The following NFXL1 variants were observed in gnomAD, a reference collection of about 807,000 sequenced individuals.
NFXL1 encodes the protein NF-X1-type zinc finger protein NFXL1.
Under a neutral mutation model 123.3 loss-of-function variants are expected in NFXL1, and 66 were observed. The observed-to-expected ratio is 0.54, with a 90% confidence interval of 0.44 to 0.66. NFXL1 has a LOEUF of 0.66. NFXL1 is among the 30% of genes least tolerant of loss of function. The pLI, the probability that NFXL1 is intolerant of heterozygous loss-of-function variation, is 0.00. For missense variants in NFXL1, 944 were observed against 1,125.6 expected (o/e 0.84, Z 2.31); for synonymous variants, 346 against 360.8 (o/e 0.96, Z 0.46).
At chr4:47,849,492 T>C (rs1349783226) in intron 22 of NFXL1, among the ~76,000 whole-genome samples, 1 of 152,204 alleles carries the variant, frequency 6.6e-6, no homozygotes, top group Non-Finnish European at 1.5e-5. Context: ...AGTTCACATA[T>C]CCATTACTGT....
intron 16 of NFXL1, among the ~76,000 whole-genome samples, 163 bp downstream of exon 16, chr4:47,878,932 AG>A (rs1188056646): frequency 6.6e-6 from 1 of 152,144 alleles, no homozygotes; most frequent in African/African-American, 2.4e-5. Context: ...TCTCAAATAA[AG>A]GCACTACATA....
At position 47,862,757 on chromosome 4, in the gene NFXL1, C is replaced by T. The variant is rs190959603; in HGVS notation, c.2316+89G>A. On this transcript the variant is annotated intron_variant, in intron 19 of 22. Coordinates refer to ENST00000507489, the MANE Select transcript of NFXL1 (RefSeq NM_001278624.2). ...TTTAAAAAGATACAACAGAGAAGACCTGAAATAATTTGACCAAACAAGAAA... is the reference window on the plus strand; with the variant it reads ...TTTAAAAAGATACAACAGAGAAGACTTGAAATAATTTGACCAAACAAGAAA... 157 of 774,592 alleles carry T rather than the reference C, an allele frequency of 2.0e-4. 1 individual carries two copies. The Admixed American group carries it at 3.8e-3, about 19-fold the overall frequency. The allele number at this position is 774,592 out of a possible 1,614,324, so 48.0% of individuals were successfully genotyped here. A position where few individuals can be genotyped will look rare whatever the true frequency, so the allele number is the denominator to read the frequency against.
chr4:47,890,147 T>C (rs922927366), intron 12 of NFXL1, among the ~76,000 whole-genome samples: 17 of 151,984 alleles, frequency 1.1e-4, no homozygotes, highest in Non-Finnish European at 1.8e-4. Flanking sequence ...GACCAAAGGA[T>C]TGTAAAGGGG....
At chr4:47,886,042 CA>C (rs1221962903) in intron 12 of NFXL1, 43 bp from the exon 13 acceptor site, 12 of 1,587,754 alleles carry the variant, frequency 7.6e-6, no homozygotes, top group African/African-American at 2.7e-5. Flanking sequence ...CTTAACTACC[CA>C]AATGCCTATT....
rs550662367 is a variant in NFXL1, at chr4:47,862,926, G to A, written c.2247-11C>T. ...GCTGTGGTTATTTTTCTAAAAATAA[G>A]AAAGTTGATGACATTCAAACAAAAA... On this transcript the variant is annotated splice_polypyrimidine_tract_variant and intron_variant, in intron 18 of 22. Coordinates refer to ENST00000507489, the MANE Select transcript of NFXL1 (RefSeq NM_001278624.2). The A allele has an allele frequency of 2.7e-6, 4 of 1,473,690 alleles. No individual in the cohort carries two copies. The South Asian group carries it at 3.8e-5, about 14-fold the overall frequency. The allele number at this position is 1,473,690 out of a possible 1,614,324, so 91.3% of individuals were successfully genotyped here.
At chr4:47,875,652 G>C (rs1283088298) in intron 17 of NFXL1, among the ~76,000 whole-genome samples, 1 of 152,024 alleles carries the variant, frequency 6.6e-6, no homozygotes, top group Non-Finnish European at 1.5e-5. Flanking sequence ...GAGTAAGAAT[G>C]TTCATTCATT....
intron 17 of NFXL1, 188 bp from the exon 18 acceptor site, chr4:47,875,481 G>A (rs1430929317): frequency 2.3e-6 from 1 of 440,662 alleles, no homozygotes; most frequent in African/African-American, 2.0e-5. Flanking sequence ...CAGCAAGATT[G>A]TCAATATGAC....
intron 19 of NFXL1, among the ~76,000 whole-genome samples, chr4:47,860,077 C>G (rs1042510804): frequency 6.6e-6 from 1 of 151,892 alleles, no homozygotes; most frequent in African/African-American, 2.4e-5. Flanking sequence ...AAAATGATGA[C>G]TATAGTTAAT....
intron 18 of NFXL1, among the ~76,000 whole-genome samples, chr4:47,865,659 T>C (rs1409788156): frequency 6.6e-6 from 1 of 152,142 alleles, no homozygotes; most frequent in Non-Finnish European, 1.5e-5. Flanking sequence ...GAAAATACCC[T>C]GGTAGACCAC....
chr4:47,876,304 T>C (rs1735749506), intron 17 of NFXL1, among the ~76,000 whole-genome samples: 1 of 151,996 alleles, frequency 6.6e-6, no homozygotes, highest in Admixed American at 6.6e-5. Flanking sequence ...TGAAGAAAGA[T>C]AAAGCAGGAT....
rs1286118122 is a variant in NFXL1 at position 47,896,647 on chromosome 4, T to C, written c.1205A>G (p.Lys402Arg). 6.2e-7 allele frequency: 1 copy of C among 1,601,534 alleles called. No homozygotes were observed. Among genetic ancestry groups the C allele is most frequent in the East Asian group, 2.2e-5 (1 of 44,734 alleles). ...GKRFCPCQKS[K>R]FSLPCTEDVP... is the part of the protein sequence containing the mutation. ...ATCTTCTGTACAAGGCAAAGAAAAC[T>C]CTAAAAACATACAAAAAGTCAATGT... Residue 402 changes from lysine to arginine, a missense_variant and splice_region_variant, in exon 10 of 23, where the codon AAG (lysine) becomes AGG (arginine). By Grantham distance (26) the Lys-to-Arg change is conservative. Around this residue, in one of 4 missense-constraint regions of NFXL1, gnomAD observed 296 missense variants for 395.1 expected, o/e 0.75. Transcript: ENST00000507489.
chr4:47,864,423 T>C (rs767132784), intron 18 of NFXL1, among the ~76,000 whole-genome samples: 6 of 152,070 alleles, frequency 3.9e-5, no homozygotes, highest in African/African-American at 1.5e-4. Flanking sequence ...GAGCAGGCCG[T>C]AAAGAAATTC....
chr4:47,913,974 G>A lies in NFXL1; in HGVS notation c.230C>T (p.Ala77Val), dbSNP rs1578048338. ...CGGGCGGGAGCCATTCTCACCGCTG[G>A]CTGCGGTAGTCTGCAGGGCTTGGGA... ...AGSQALQTTA[A>V]SELMSQKKFE... The change falls in exon 2 of 23, where the codon GCC becomes GTC. Residue 77 changes from alanine to valine, a missense_variant. Physicochemically the swap from Ala to Val is moderately conservative, Grantham distance 64 (BLOSUM62 0). Around this residue, in one of 4 missense-constraint regions of NFXL1, gnomAD observed 303 missense variants for 292.1 expected, o/e 1.04. Coordinates refer to ENST00000507489, the MANE Select transcript of NFXL1 (RefSeq NM_001278624.2). 2 of 1,543,182 alleles carry A rather than the reference G, an allele frequency of 1.3e-6. No homozygotes were observed. The highest frequency in any genetic ancestry group is 2.5e-5 in the East Asian group (1 of 40,762).
chr4:47,854,264 G>T (rs1560579079), intron 20 of NFXL1, among the ~76,000 whole-genome samples: 1 of 151,454 alleles, frequency 6.6e-6, no homozygotes, highest in Middle Eastern at 3.4e-3. Context: ...AATTTCAAGA[G>T]ACAAAAAAGA....
At chr4:47,905,868 T>C (rs549960575) in intron 3 of NFXL1, among the ~76,000 whole-genome samples, 9 of 152,312 alleles carry the variant, frequency 5.9e-5, no homozygotes, top group South Asian at 2.1e-4. Context: ...CATGAAATCA[T>C]GTTCACTATT....
At chr4:47,877,131 C>T in intron 17 of NFXL1, 1 of 576,808 alleles carries the variant, frequency 1.7e-6, no homozygotes. Flanking sequence ...ACAGTACTTT[C>T]TGATTTGCTA....
Position 47,899,479 on chromosome 4 carries a change from T to C in NFXL1, c.717A>G (p.Val239=), listed in dbSNP as rs1221284915. 2 of 1,612,592 alleles carry C rather than the reference T, an allele frequency of 1.2e-6. No homozygotes were observed. Among genetic ancestry groups the C allele is most frequent in the African/African-American group, 1.3e-5 (1 of 74,938 alleles). The stretch of plus-strand genomic sequence containing the variant: ...GCCACGGATCTAAAGGTGGATCTTC[T>C]ACTTTTCCACAATAGCAATAGTACC... ...PSRYYCYCGK[V]EDPPLDPWLV... Residue 239 remains valine (V), a synonymous_variant, in exon 6 of 23, where the codon GTA becomes GTG. Transcript: ENST00000507489.
intron 18 of NFXL1, among the ~76,000 whole-genome samples, chr4:47,870,249 T>C (rs1467277380): frequency 6.6e-6 from 1 of 152,192 alleles, no homozygotes; most frequent in Non-Finnish European, 1.5e-5. Context: ...TTAAAAATTA[T>C]AGACTAATAC....
intron 3 of NFXL1, among the ~76,000 whole-genome samples, chr4:47,908,111 A>G (rs1737642968): frequency 6.6e-6 from 1 of 152,212 alleles, no homozygotes; most frequent in Non-Finnish European, 1.5e-5. Context: ...GGTGAAATAC[A>G]TCGATCCTTC....
Sources: allele counts gnomAD v4.1 joint callset (sites outside exome capture counted in the v4.1 genomes callset), GRCh38; gene constraint gnomAD v4.1.1; regional missense constraint gnomAD v4.1.1; transcripts MANE v1.5; gene names NCBI Gene and HGNC (gene_info 2026-07-23, HGNC 2026-07-21).